The following GCH1 variants were observed in gnomAD, a reference collection of about 807,000 sequenced individuals.
The protein encoded by GCH1 is GTP cyclohydrolase 1.
In GCH1, 5 loss-of-function variants were observed where a neutral mutation model predicts 25.9. The observed-to-expected ratio is 0.19, with a 90% CI of 0.10 to 0.41. GCH1 has a LOEUF of 0.41. GCH1 is among the 10% of genes least tolerant of loss of function. The pLI, the probability that GCH1 is intolerant of heterozygous loss-of-function variation, is 1.00. For synonymous variants in GCH1, 159 were observed against 129.6 expected, an observed-to-expected ratio of 1.23 and a Z score of -1.54; for missense variants, 261 against 336.5, an observed-to-expected ratio of 0.78 and a Z score of 1.75.
rs546102949 is a variant in GCH1, at chr14:54,902,035, A to C, written c.343+286T>G. Among the ~76,000 whole-genome samples the C allele has an allele frequency of 5.4e-3, 816 of 152,160 alleles. 10 individuals carry two copies. The highest frequency in any genetic ancestry group is 0.019 in the African/African-American group (773 of 41,544). ...GGGCTCCGGGCTCCCGTCCACGCCCACCCGGGGCGTTCTAGGAGGGCTGCG... is the reference window on the plus strand; with the variant it reads ...GGGCTCCGGGCTCCCGTCCACGCCCCCCCGGGGCGTTCTAGGAGGGCTGCG... On this transcript the variant is annotated intron_variant, in intron 1 of 5. Transcript: ENST00000491895.
chr14:54,889,164 AG>A (rs2040393591), intron 1 of GCH1, among the ~76,000 whole-genome samples: 1 of 152,196 alleles, frequency 6.6e-6, no homozygotes. Context: ...GCATACCTCC[AG>A]GGCTGCCCAT....
At chr14:54,878,550 A>G (rs1171271326) in intron 1 of GCH1, among the ~76,000 whole-genome samples, 2 of 152,234 alleles carry the variant, frequency 1.3e-5, no homozygotes, top group African/African-American at 4.8e-5. Context: ...TACCTCCACC[A>G]GCATACAGCG....
At chr14:54,898,280 A>T (rs2140121745) in intron 1 of GCH1, among the ~76,000 whole-genome samples, 1 of 152,366 alleles carries the variant, frequency 6.6e-6, no homozygotes, top group African/African-American at 2.4e-5. Context: ...TACAGTAAAA[A>T]TATAGTAGAA....
chr14:54,872,151 G>T (rs575462555), intron 1 of GCH1, among the ~76,000 whole-genome samples: 4 of 152,084 alleles, frequency 2.6e-5, no homozygotes, highest in African/African-American at 9.7e-5. Flanking sequence ...CTGATCTCTC[G>T]GCAGAAACTC....
Position 54,843,973 on chromosome 14 carries a change from C to T in GCH1, c.*44G>A, listed in dbSNP as rs763899728. 1 of 1,614,102 alleles carries T rather than the reference C, an allele frequency of 6.2e-7. No homozygotes were observed. Among genetic ancestry groups the T allele is most frequent in the South Asian group, 1.1e-5 (1 of 91,080 alleles). On this transcript the variant is annotated 3_prime_UTR_variant, in exon 6 of 6. Coordinates refer to ENST00000491895, the MANE Select transcript of GCH1 (RefSeq NM_000161.3). ...AAGACCGGACAGACAGACAATGCTA[C>T]TGGCAGTACGATCGGCAACCAACGC...
intron 1 of GCH1, among the ~76,000 whole-genome samples, chr14:54,901,755 A>C (rs187043836): frequency 1.5e-3 from 235 of 152,042 alleles, no homozygotes; most frequent in Non-Finnish European, 2.7e-3. Flanking sequence ...ACTGGAGTAA[A>C]CTTGAGGTGG....
chr14:54,894,594 G>A (rs1289034272), intron 1 of GCH1, among the ~76,000 whole-genome samples: 1 of 152,124 alleles, frequency 6.6e-6, no homozygotes, highest in Non-Finnish European at 1.5e-5. Flanking sequence ...TATGTATATT[G>A]ATTTTTCTTC....
chr14:54,868,440 A>T (rs192252768), intron 1 of GCH1, among the ~76,000 whole-genome samples: 44 of 149,010 alleles, frequency 3.0e-4, no homozygotes, highest in Admixed American at 2.5e-3. Context: ...TTTAAAAATT[A>T]AAAAAAAAAA....
intron 1 of GCH1, among the ~76,000 whole-genome samples, chr14:54,867,615 G>A (rs200345733): frequency 8.2e-3 from 614 of 74,680 alleles, no homozygotes; most frequent in East Asian, 0.017. Flanking sequence ...AAAAAAAAAA[G>A]ATCTGGCTCC....
At chr14:54,890,961 T>C (rs540515953) in intron 1 of GCH1, among the ~76,000 whole-genome samples, 2 of 152,300 alleles carry the variant, frequency 1.3e-5, no homozygotes, top group Non-Finnish European at 2.9e-5. Context: ...AGGCCAACAA[T>C]CATCTTTGTT....
chr14:54,901,679 A>G (rs1158939704), intron 1 of GCH1, among the ~76,000 whole-genome samples: 2 of 151,954 alleles, frequency 1.3e-5, no homozygotes, highest in Non-Finnish European at 2.9e-5. Flanking sequence ...CACCCAATCA[A>G]CCTCACACCT....
intron 4 of GCH1, among the ~76,000 whole-genome samples, chr14:54,846,819 G>A (rs563236712): frequency 7.8e-4 from 119 of 152,284 alleles, no homozygotes; most frequent in African/African-American, 2.7e-3. Context: ...CCAGCACTTT[G>A]GGAGGCCAAG....
intron 1 of GCH1, among the ~76,000 whole-genome samples, chr14:54,895,631 G>A (rs1004468743): frequency 3.3e-5 from 5 of 152,114 alleles, no homozygotes; most frequent in African/African-American, 1.2e-4. Flanking sequence ...ATACAGGAAA[G>A]GTACCTTATA....
At chr14:54,873,392 G>C (rs905947054) in intron 1 of GCH1, among the ~76,000 whole-genome samples, 1 of 152,052 alleles carries the variant, frequency 6.6e-6, no homozygotes. Context: ...AGAGAAAGCA[G>C]GAAAGATCTA....
intron 3 of GCH1, among the ~76,000 whole-genome samples, chr14:54,854,458 A>G (rs1204179467): frequency 1.3e-5 from 2 of 152,134 alleles, no homozygotes; most frequent in African/African-American, 4.8e-5. Flanking sequence ...CTCACTCCTC[A>G]CCCCAAAATA....
At chr14:54,872,983 T>C (rs1392206856) in intron 1 of GCH1, among the ~76,000 whole-genome samples, 7 of 151,178 alleles carry the variant, frequency 4.6e-5, no homozygotes, top group Admixed American at 1.3e-4. Context: ...GAATTGAACT[T>C]AGCTCTGCAC....
chr14:54,883,503 G>C (rs1484282656), intron 1 of GCH1, among the ~76,000 whole-genome samples: 1 of 151,140 alleles, frequency 6.6e-6, no homozygotes, highest in African/African-American at 2.4e-5. Flanking sequence ...GACGGACAAA[G>C]TCCGTCTCTA....
At chr14:54,896,431 T>C (rs915451534) in intron 1 of GCH1, among the ~76,000 whole-genome samples, 3 of 151,916 alleles carry the variant, frequency 2.0e-5, no homozygotes, top group East Asian at 1.9e-4. Flanking sequence ...TTCAGCATCA[T>C]CCTTGTTCTC....
chr14:54,881,270 G>A (rs1195313799), intron 1 of GCH1, among the ~76,000 whole-genome samples: 3 of 152,100 alleles, frequency 2.0e-5, no homozygotes, highest in African/African-American at 7.2e-5. Flanking sequence ...GGGCAAGGAG[G>A]AGTACACAGG....
Sources: gnomAD v4.1 joint callset for allele counts (sites outside exome capture counted in the v4.1 genomes callset) on GRCh38, gnomAD v4.1.1 for gene constraint, MANE v1.5 for transcripts, NCBI Gene and HGNC (gene_info 2026-07-23, HGNC 2026-07-21) for gene names.